Variants in EYS observed in about 807,000 individuals in gnomAD.
The protein encoded by EYS is EGF-like photoreceptor maintenance factor.
In EYS, 250 loss-of-function variants were observed where a neutral mutation model predicts 282.1. The ratio of observed to expected loss-of-function variants is 0.89; its 90% CI spans 0.80 to 0.98. The LOEUF is 0.98. Ranked by LOEUF, EYS falls within the 50% of genes least tolerant of loss-of-function variation. The pLI is 0.00. For synonymous variants in EYS, 1,355 were observed against 1,282.9 expected (o/e 1.06, Z -1.20); for missense variants, 4,016 against 3,709.0 (o/e 1.08, Z -2.15).
chr6:65,208,970 T>C (rs1397843770), intron 12 of EYS, among the ~76,000 whole-genome samples: 2 of 151,822 alleles, frequency 1.3e-5, no homozygotes, highest in Non-Finnish European at 2.9e-5. Flanking sequence ...TCATAATTCC[T>C]CAAAAATAGG....
intron 22 of EYS, among the ~76,000 whole-genome samples, chr6:64,752,612 T>C (rs1019231579): frequency 6.6e-6 from 1 of 152,128 alleles, no homozygotes; most frequent in Non-Finnish European, 1.5e-5. Context: ...ACTACCTTAG[T>C]CTTGCTAAAG....
intron 33 of EYS, among the ~76,000 whole-genome samples, chr6:64,001,142 CA>C (rs1236918993): frequency 6.6e-6 from 1 of 152,154 alleles, no homozygotes; most frequent in Non-Finnish European, 1.5e-5. Context: ...TGATCTTAGG[CA>C]AACCACTTAA....
intron 41 of EYS, among the ~76,000 whole-genome samples, chr6:63,737,321 C>G (rs1382705294): frequency 2.0e-5 from 3 of 151,946 alleles, no homozygotes; most frequent in Non-Finnish European, 4.4e-5. Context: ...TTGTCAAAGG[C>G]CTTTTCTGCA....
At chr6:64,582,090 C>T (rs150692006) in intron 26 of EYS, among the ~76,000 whole-genome samples, 355 of 152,272 alleles carry the variant, frequency 2.3e-3, no homozygotes, top group African/African-American at 7.9e-3. Context: ...GTATTCTGGG[C>T]TTGCTATGTG....
At chr6:65,196,234 T>A (rs1765763374) in intron 12 of EYS, among the ~76,000 whole-genome samples, 1 of 152,002 alleles carries the variant, frequency 6.6e-6, no homozygotes, top group African/African-American at 2.4e-5. Flanking sequence ...GAAATGTGAC[T>A]AACTGAACTT....
chr6:63,890,215 C>A (rs1017102329), intron 35 of EYS, among the ~76,000 whole-genome samples: 1 of 152,190 alleles, frequency 6.6e-6, no homozygotes, highest in Non-Finnish European at 1.5e-5. Flanking sequence ...CAAGGATATT[C>A]AGAACGTGAA....
At chr6:64,888,996 A>C (rs1360612704) in intron 18 of EYS, among the ~76,000 whole-genome samples, 1 of 152,072 alleles carries the variant, frequency 6.6e-6, no homozygotes, top group Non-Finnish European at 1.5e-5. Context: ...TCTTTCATGT[A>C]CTTCTGACAG....
chr6:65,342,288 G>C (rs536418981), intron 10 of EYS, among the ~76,000 whole-genome samples: 122 of 151,038 alleles, frequency 8.1e-4, no homozygotes, highest in Non-Finnish European at 1.4e-3. Flanking sequence ...CAAATTGTCT[G>C]ATTACACAAT....
intron 8 of EYS, among the ~76,000 whole-genome samples, chr6:65,356,236 C>T (rs774178724): frequency 4.6e-5 from 7 of 151,962 alleles, no homozygotes; most frequent in Non-Finnish European, 8.8e-5. Flanking sequence ...AAACTAAGTT[C>T]GAATTAAGTC....
intron 31 of EYS, among the ~76,000 whole-genome samples, chr6:64,097,709 G>A (rs1016282464): frequency 6.6e-6 from 1 of 152,162 alleles, no homozygotes; most frequent in Admixed American, 6.5e-5. Flanking sequence ...CCCAGGTGAG[G>A]TGATACCTTG....
At chr6:64,804,488 A>C (rs1394194827) in intron 22 of EYS, among the ~76,000 whole-genome samples, 1 of 152,156 alleles carries the variant, frequency 6.6e-6, no homozygotes, top group Non-Finnish European at 1.5e-5. Flanking sequence ...TGCCAAACAA[A>C]CTATCATAAA....
intron 29 of EYS, among the ~76,000 whole-genome samples, chr6:64,380,780 G>A (rs1000703693): frequency 4.6e-5 from 7 of 152,152 alleles, no homozygotes; most frequent in African/African-American, 1.7e-4. Context: ...CACTTTGGGA[G>A]TCCAAGGCAG....
At chr6:64,987,375 G>C (rs968817586) in intron 14 of EYS, among the ~76,000 whole-genome samples, 1 of 151,518 alleles carries the variant, frequency 6.6e-6, no homozygotes, top group Non-Finnish European at 1.5e-5. Context: ...CTCTGTGGGG[G>C]ATATTAAAAA....
chr6:65,573,958 G>A (rs1329769395), intron 2 of EYS, among the ~76,000 whole-genome samples: 1 of 152,062 alleles, frequency 6.6e-6, no homozygotes, highest in African/African-American at 2.4e-5. Flanking sequence ...CTAGTCCTGG[G>A]GCTGCTCTAA....
chr6:65,208,063 A>C (rs979607946), intron 12 of EYS, among the ~76,000 whole-genome samples: 2 of 151,810 alleles, frequency 1.3e-5, no homozygotes, highest in African/African-American at 4.8e-5. Context: ...TAATTAATAA[A>C]GTATATAGAC....
At chr6:64,132,888 A>G (rs930969720) in intron 31 of EYS, among the ~76,000 whole-genome samples, 6 of 152,028 alleles carry the variant, frequency 3.9e-5, no homozygotes, top group African/African-American at 2.4e-5. Flanking sequence ...TTTTCATATA[A>G]AAATCATGCT....
chr6:64,817,256 C>A (rs1764765073), intron 21 of EYS, among the ~76,000 whole-genome samples: 1 of 151,912 alleles, frequency 6.6e-6, no homozygotes, highest in African/African-American at 2.4e-5. Flanking sequence ...TAAATAAGTC[C>A]CTTTTAAACC....
At chr6:64,713,812 G>A (rs919724962) in intron 22 of EYS, among the ~76,000 whole-genome samples, 1 of 152,058 alleles carries the variant, frequency 6.6e-6, no homozygotes, top group Non-Finnish European at 1.5e-5. Flanking sequence ...ATTAAGAAGG[G>A]CTTTCCTGTA....
At chr6:64,947,279 A>G (rs1769319074) in intron 14 of EYS, among the ~76,000 whole-genome samples, 1 of 151,922 alleles carries the variant, frequency 6.6e-6, no homozygotes, top group Non-Finnish European at 1.5e-5. Context: ...TTTTTTACAA[A>G]CATAACAATG....
Sources: gnomAD v4.1 joint callset for allele counts (sites outside exome capture counted in the v4.1 genomes callset) on GRCh38, gnomAD v4.1.1 for gene constraint, MANE v1.5 for transcripts, NCBI Gene and HGNC (gene_info 2026-07-23, HGNC 2026-07-21) for gene names.